DLG1: variants seen among roughly 807,000 people sequenced by gnomAD.
The protein encoded by DLG1 is disks large homolog 1.
Under a neutral mutation model 123.4 loss-of-function variants are expected in DLG1, and 42 were observed. The ratio of observed to expected loss-of-function variants is 0.34; its 90% confidence interval spans 0.27 to 0.44. The LOEUF is 0.44. DLG1 is among the 20% of genes least tolerant of loss of function. The pLI is 1.00. For synonymous variants in DLG1, 317 were observed against 356.2 expected (o/e 0.89, Z 1.24); for missense variants, 942 against 1,082.6 (o/e 0.87, Z 1.82).
At chr3:197,075,789 C>A in intron 18 of DLG1, 3 of 1,554,182 alleles carry the variant, frequency 1.9e-6, no homozygotes, top group Non-Finnish European at 2.7e-6. Flanking sequence ...TAAGGTAGGT[C>A]TGCAGATGGA....
chr3:197,223,435 A>G (rs1172566645), intron 4 of DLG1, among the ~76,000 whole-genome samples: 2 of 152,174 alleles, frequency 1.3e-5, no homozygotes, highest in African/African-American at 4.8e-5. Flanking sequence ...TAAGAGGTAA[A>G]CTCTAGTCCC....
intron 4 of DLG1, among the ~76,000 whole-genome samples, chr3:197,224,791 C>T (rs1738920230): frequency 6.6e-6 from 1 of 152,104 alleles, no homozygotes; most frequent in Admixed American, 6.5e-5. Context: ...AATCAGCTAG[C>T]AATTTGAGAC....
At chr3:197,200,197 G>T (rs1724882487) in intron 4 of DLG1, among the ~76,000 whole-genome samples, 2 of 151,874 alleles carry the variant, frequency 1.3e-5, no homozygotes, top group African/African-American at 2.4e-5. Flanking sequence ...TAAAATTAAG[G>T]CCAAAAACTA....
At chr3:197,288,362 C>CAAAAAAAA (rs1290725400) in intron 3 of DLG1, among the ~76,000 whole-genome samples, 1 of 45,562 alleles carries the variant, frequency 2.2e-5, no homozygotes, top group African/African-American at 9.7e-5. Flanking sequence ...GACTCCGTCT[C>CAAAAAAAA]AAAAAAAAAA....
chr3:197,068,496 A>G, intron 19 of DLG1: 1 of 1,566,878 alleles, frequency 6.4e-7, no homozygotes, highest in South Asian at 1.1e-5. Flanking sequence ...TATTAACAGG[A>G]TGGACCTTTT....
At chr3:197,184,239 G>A in intron 5 of DLG1, 1 of 437,280 alleles carries the variant, frequency 2.3e-6, no homozygotes, top group African/African-American at 2.1e-5. Flanking sequence ...TTAATGCACT[G>A]CGTGGAAAAA....
In DLG1 at chr3:197,043,719, AATC is replaced by A. The variant is rs1212381795; in HGVS notation, c.*901_*903del. ...CTATTGTGGGTAAAATATTCAGTAA[AATC>A]TGACTCCTAAGAATACATTTGAAGT... On this transcript the variant is annotated 3_prime_UTR_variant, in exon 25 of 25. Transcript: ENST00000667157. 6.6e-6 allele frequency: 1 copy of A among 151,748 alleles called. No individual in the cohort carries two copies. Among genetic ancestry groups the A allele is most frequent in the Non-Finnish European group, 1.5e-5 (1 of 67,914 alleles). The allele number at this position is 151,748 out of a possible 1,614,324, so 9.4% of individuals were successfully genotyped here.
In DLG1 at chr3:197,245,117, TG is replaced by T. The variant is rs1327441624; in HGVS notation, c.318+37561del. 2.0e-5 allele frequency among the ~76,000 whole-genome samples: 3 copies of T among 152,174 alleles called. No individual in the cohort carries two copies. In the East Asian group the frequency reaches 5.8e-4, roughly 29 times the overall value. ...TTTGGTTAGATGGCTTTTTAGGGTT[TG>T]GTTCATTCTTTCTACTCTTTCTGAT... On this transcript the variant is annotated intron_variant, in intron 4 of 24. Transcript: ENST00000667157.
At chr3:197,207,562 G>GA (rs1458366486) in intron 4 of DLG1, among the ~76,000 whole-genome samples, 2 of 151,770 alleles carry the variant, frequency 1.3e-5, no homozygotes, top group South Asian at 2.1e-4. Flanking sequence ...AAACCAGCAA[G>GA]AAAAAAAGAA....
intron 20 of DLG1, among the ~76,000 whole-genome samples, chr3:197,066,320 A>T (rs1205000490): frequency 6.6e-6 from 1 of 152,192 alleles, no homozygotes; most frequent in East Asian, 1.9e-4. Context: ...GATGAAAAGA[A>T]GGTCATAAAT....
chr3:197,225,764 C>T (rs1739559098), intron 4 of DLG1: 1 of 152,616 alleles, frequency 6.6e-6, no homozygotes, highest in Non-Finnish European at 1.5e-5. Context: ...GAATTAAAGT[C>T]AATCAAACCA....
chr3:197,157,063 A>G (rs1796720715), intron 5 of DLG1, among the ~76,000 whole-genome samples: 2 of 152,190 alleles, frequency 1.3e-5, no homozygotes, highest in African/African-American at 4.8e-5. Flanking sequence ...TGAACATCAT[A>G]CTCAGTGGTG....
At chr3:197,190,738 C>T (rs1054367377) in intron 5 of DLG1, among the ~76,000 whole-genome samples, 3 of 152,158 alleles carry the variant, frequency 2.0e-5, no homozygotes, top group Admixed American at 6.5e-5. Flanking sequence ...CGGCCGGGCG[C>T]GGTGGCTCCC....
At chr3:197,079,437 C>T (rs1749451918) in intron 17 of DLG1, among the ~76,000 whole-genome samples, 1 of 152,172 alleles carries the variant, frequency 6.6e-6, no homozygotes, top group South Asian at 2.1e-4. Flanking sequence ...AGCGTATTTT[C>T]ACCCCACTCA....
intron 19 of DLG1, among the ~76,000 whole-genome samples, 154 bp from the exon 20 acceptor site, chr3:197,066,908 AG>A (rs1437694207): frequency 6.6e-6 from 1 of 152,196 alleles, no homozygotes; most frequent in Non-Finnish European, 1.5e-5. Flanking sequence ...GTTAAAAAAA[AG>A]TGTCAAATTA....
intron 18 of DLG1, among the ~76,000 whole-genome samples, chr3:197,074,437 T>C (rs1004572952): frequency 5.9e-5 from 9 of 152,110 alleles, no homozygotes; most frequent in African/African-American, 1.9e-4. Context: ...ATAACATCAA[T>C]ATGGGAACCA....
chr3:197,183,280 A>AG (rs1481154400), intron 5 of DLG1, among the ~76,000 whole-genome samples: 1 of 152,210 alleles, frequency 6.6e-6, no homozygotes, highest in Non-Finnish European at 1.5e-5. Flanking sequence ...CAGTCTAAAA[A>AG]GGAGATGAGC....
At chr3:197,186,270 T>C (rs1004377172) in intron 5 of DLG1, among the ~76,000 whole-genome samples, 1 of 152,170 alleles carries the variant, frequency 6.6e-6, no homozygotes, top group African/African-American at 2.4e-5. Context: ...TGCTTTAGAA[T>C]ATCCTCTCTC....
At position 197,065,683 on chromosome 3, in the gene DLG1, A is replaced by G. The variant is rs201716356; in HGVS notation, c.2200+25T>C. 4.7e-6 allele frequency: 7 copies of G among 1,474,232 alleles called. No homozygotes were observed. In the East Asian group the frequency reaches 1.6e-4, roughly 33 times the overall value. The allele number at this position is 1,474,232 out of a possible 1,614,324, so 91.3% of individuals were successfully genotyped here. A position where few individuals can be genotyped will look rare whatever the true frequency, so the allele number is the denominator to read the frequency against. On this transcript the variant is annotated intron_variant, in intron 21 of 24. Transcript: ENST00000667157. ...ACAGGAAATGTTAAGAGTAACAATT[A>G]AATGTTTTTGTTTGGTTTACTTACG...
Sources: gnomAD v4.1 joint callset for allele counts (sites outside exome capture counted in the v4.1 genomes callset) on GRCh38, gnomAD v4.1.1 for gene constraint, MANE v1.5 for transcripts, NCBI Gene and HGNC (gene_info 2026-07-23, HGNC 2026-07-21) for gene names.